RAB40C: variants seen among roughly 807,000 people sequenced by gnomAD.
RAB40C encodes RAB40C, member RAS oncogene family, also known as ras-related protein Rab-40C.
RAB40C carries 8 observed loss-of-function variants against 28.1 expected under a neutral mutation model. The ratio of observed to expected loss-of-function variants is 0.28; its 90% CI spans 0.17 to 0.51. RAB40C has a LOEUF of 0.51. RAB40C is among the 20% of genes least tolerant of loss of function. RAB40C has a pLI of 0.97. For missense variants in RAB40C, 288 were observed against 405.9 expected, an observed-to-expected ratio of 0.71 and a Z score of 2.50; for synonymous variants, 201 against 171.7, an observed-to-expected ratio of 1.17 and a Z score of -1.34.
At chr16:593,891 A>G (rs763914513) in intron 1 of RAB40C, among the ~76,000 whole-genome samples, 2 of 152,150 alleles carry the variant, frequency 1.3e-5, no homozygotes, top group Non-Finnish European at 2.9e-5. Context: ...CCCCTGGGTG[A>G]TGGTGGCGAG....
chr16:614,350 T>C (rs1386249925), intron 1 of RAB40C, among the ~76,000 whole-genome samples: 8 of 99,714 alleles, frequency 8.0e-5, no homozygotes, highest in East Asian at 2.7e-4. Context: ...CGCATCCCGA[T>C]GGTGAACTGC....
At chr16:626,708 C>T (rs999342693) in intron 5 of RAB40C, among the ~76,000 whole-genome samples, 2 of 152,184 alleles carry the variant, frequency 1.3e-5, no homozygotes, top group African/African-American at 2.4e-5. Context: ...GAGGCCACAG[C>T]AGGTGGATCA....
rs745774805 is a variant in RAB40C, at chr16:626,085, C to T, written c.529C>T (p.Arg177Trp). The T allele has an allele frequency of 1.2e-6, 2 of 1,613,198 alleles. No individual in the cohort carries two copies. Among genetic ancestry groups the T allele is most frequent in the South Asian group, 1.1e-5 (1 of 91,090 alleles). The change falls in exon 5 of 6, where the codon CGG becomes TGG. Residue 177 changes from arginine to tryptophan, a missense_variant. Transcript: ENST00000248139. ...GGAGCTATCCCGCATCGTGCTCATG[C>T]GGCACGGCATGGAGAAGATCTGGAG... The part of the protein sequence containing the change: ...FTELSRIVLM[R>W]HGMEKIWRPN...
rs534912568 is a variant in RAB40C, at chr16:614,578, C to T, written c.143-2630C>T. On this transcript the variant is annotated intron_variant, in intron 1 of 5. Coordinates refer to ENST00000248139, the MANE Select transcript of RAB40C (RefSeq NM_021168.5). ...CCCGATGGTGAACTGCCTAACTCTA[C>T]CGCATCCCGATGGTGAACTGCCTAA... 6.0e-5 allele frequency among the ~76,000 whole-genome samples: 8 copies of T among 134,226 alleles called. No homozygotes were observed. In the South Asian group the frequency reaches 1.3e-3, roughly 22 times the overall value. The allele number at this position is 134,226 out of a possible 152,430, so 88.1% of individuals were successfully genotyped here.
intron 1 of RAB40C, among the ~76,000 whole-genome samples, chr16:596,739 C>T (rs961120190): frequency 2.0e-5 from 3 of 152,136 alleles, no homozygotes; most frequent in Admixed American, 2.0e-4. Flanking sequence ...GGACTGGCTG[C>T]CAAGACCATG....
At chr16:618,328 G>A in intron 3 of RAB40C, 68 bp downstream of exon 3, 1 of 1,455,486 alleles carries the variant, frequency 6.9e-7, no homozygotes, top group Non-Finnish European at 9.4e-7. Context: ...CTGAATGTGA[G>A]TTGTTGTCCT....
intron 3 of RAB40C, among the ~76,000 whole-genome samples, chr16:622,370 T>G (rs930010847): frequency 6.6e-6 from 1 of 152,188 alleles, no homozygotes; most frequent in Non-Finnish European, 1.5e-5. Context: ...TCCACCCCCT[T>G]GACCCCGCCC....
At chr16:591,499 C>T (rs1160956562) in intron 1 of RAB40C, among the ~76,000 whole-genome samples, 1 of 152,162 alleles carries the variant, frequency 6.6e-6, no homozygotes, top group Non-Finnish European at 1.5e-5. Flanking sequence ...GAGGTATTTG[C>T]TTACTGCTGA....
intron 4 of RAB40C, 150 bp downstream of exon 4, chr16:625,659 TG>T (rs1360043364): frequency 2.0e-5 from 18 of 921,432 alleles, no homozygotes; most frequent in Non-Finnish European, 2.8e-5. Context: ...CTGGGCATGC[TG>T]GTCACTGTGC....
At chr16:620,471 G>A (rs974233827) in intron 3 of RAB40C, among the ~76,000 whole-genome samples, 3 of 152,188 alleles carry the variant, frequency 2.0e-5, no homozygotes, top group South Asian at 2.1e-4. Flanking sequence ...TAAGTATTTC[G>A]TGATTTTTCT....
intron 1 of RAB40C, among the ~76,000 whole-genome samples, chr16:607,464 C>A (rs1228508841): frequency 2.0e-5 from 3 of 148,646 alleles, no homozygotes; most frequent in Admixed American, 6.7e-5. Context: ...TATTGCGCCA[C>A]CACACTCCGG....
intron 2 of RAB40C, among the ~76,000 whole-genome samples, chr16:617,816 C>G (rs973930941): frequency 6.6e-6 from 1 of 152,006 alleles, no homozygotes; most frequent in Non-Finnish European, 1.5e-5. Context: ...GCACTCCAGC[C>G]TGGGTGACAG....
Position 590,441 on chromosome 16 carries a change from C to T in RAB40C, c.142+8C>T, listed in dbSNP as rs1466202047. ...CGTACGCCTACAGTAACGGTAAGGC[C>T]CGGCCCGCGGCGCGCGCTGCTACGC... On this transcript the variant is annotated splice_region_variant and intron_variant, in intron 1 of 5. Transcript: ENST00000248139. 6.4e-7 allele frequency: 1 copy of T among 1,574,572 alleles called. No individual in the cohort carries two copies. Among genetic ancestry groups the T allele is most frequent in the African/African-American group, 1.4e-5 (1 of 71,012 alleles).
intron 3 of RAB40C, chr16:624,948 T>C (rs376219247): frequency 1.6e-6 from 2 of 1,288,856 alleles, no homozygotes; most frequent in African/African-American, 3.0e-5. Flanking sequence ...TCTGCCTGGC[T>C]GGGGGAGCTT....
At chr16:595,194 C>G (rs1003250248) in intron 1 of RAB40C, among the ~76,000 whole-genome samples, 4 of 152,192 alleles carry the variant, frequency 2.6e-5, no homozygotes, top group Non-Finnish European at 5.9e-5. Context: ...ACAGCTAATG[C>G]TGCCAGCGTG....
chr16:604,421 CCTT>C (rs2036318336), intron 1 of RAB40C, among the ~76,000 whole-genome samples: 1 of 151,510 alleles, frequency 6.6e-6, no homozygotes, highest in Admixed American at 6.6e-5. Context: ...ATACACGAGT[CCTT>C]CTGAAGGTGT....
chr16:614,977 CA>C (rs1170915209), intron 1 of RAB40C, among the ~76,000 whole-genome samples: 2 of 152,254 alleles, frequency 1.3e-5, no homozygotes, highest in African/African-American at 4.8e-5. Flanking sequence ...GCAGCTCCTG[CA>C]GTCATGGGCT....
At chr16:618,399 GT>G in intron 3 of RAB40C, 139 bp downstream of exon 3, 1 of 951,664 alleles carries the variant, frequency 1.1e-6, no homozygotes, top group South Asian at 1.9e-5. Flanking sequence ...TTGTTTATTT[GT>G]TTGTTTTGAG....
intron 1 of RAB40C, among the ~76,000 whole-genome samples, chr16:598,486 G>T (rs1298230769): frequency 6.6e-6 from 1 of 151,606 alleles, no homozygotes; most frequent in Non-Finnish European, 1.5e-5. Context: ...GCTTGAACCT[G>T]GGTGGCGGAG....
Sources: allele counts gnomAD v4.1 joint callset (sites outside exome capture counted in the v4.1 genomes callset), GRCh38; gene constraint gnomAD v4.1.1; transcripts MANE v1.5; gene names NCBI Gene and HGNC (gene_info 2026-07-23, HGNC 2026-07-21).